Variants in CHRM5 observed in about 807,000 individuals in gnomAD.
CHRM5 encodes muscarinic acetylcholine receptor M5.
In CHRM5, 18 loss-of-function variants were observed where a neutral mutation model predicts 39.0. That is an observed-to-expected ratio of 0.46 (90% CI 0.32 to 0.68). CHRM5 has a LOEUF of 0.68. Ranked by LOEUF, CHRM5 falls within the 30% of genes least tolerant of loss-of-function variation. The probability of loss-of-function intolerance (pLI) is 0.04; values close to 1 mark genes in which losing one functional copy is unlikely to be tolerated. For synonymous variants in CHRM5, 241 were observed against 246.3 expected (o/e 0.98, Z 0.20); for missense variants, 515 against 651.1 (o/e 0.79, Z 2.28).
intron 1 of CHRM5, among the ~76,000 whole-genome samples, chr15:33,989,514 G>T (rs568722248): frequency 4.6e-5 from 7 of 150,604 alleles, no homozygotes; most frequent in African/African-American, 1.7e-4. Context: ...CGCCCACCAA[G>T]TGTTCCTTCT....
chr15:34,002,521 G>A (rs1392989353), intron 1 of CHRM5, among the ~76,000 whole-genome samples: 1 of 106,834 alleles, frequency 9.4e-6, no homozygotes, highest in African/African-American at 2.6e-5. Context: ...GGAAAGGCTG[G>A]GTTTTTCACT....
chr15:34,063,199 T>C lies in CHRM5; in HGVS notation c.482T>C (p.Leu161Pro). 2 of 1,614,196 alleles carry C rather than the reference T, an allele frequency of 1.2e-6. No individual in the cohort carries two copies. The highest frequency in any genetic ancestry group is 1.1e-5 in the South Asian group (1 of 91,076). The change falls in exon 3 of 3, where the codon CTC becomes CCC. Residue 161 changes from leucine (L) to proline (P), a missense_variant. Transcript: ENST00000383263. The surrounding 1 kb of genome is among the most constrained non-coding windows in gnomAD (Gnocchi z 4.1). Reference sequence around the variant, plus strand: ...TTGGCCTGGCTGATCTCCTTCATCCTCTGGGCCCCAGCAATCCTCTGCTGG... The same window carrying C: ...TTGGCCTGGCTGATCTCCTTCATCCCCTGGGCCCCAGCAATCCTCTGCTGG... ...IGLAWLISFILWAPAILCWQY... is the reference protein window; with the variant it reads ...IGLAWLISFIPWAPAILCWQY...
chr15:33,986,030 A>T (rs1356804132), intron 1 of CHRM5, among the ~76,000 whole-genome samples: 2 of 152,076 alleles, frequency 1.3e-5, no homozygotes, highest in East Asian at 1.9e-4. Flanking sequence ...CAAATTTAGG[A>T]TTCTATTAAG....
intron 1 of CHRM5, among the ~76,000 whole-genome samples, chr15:34,032,445 A>C (rs1170319077): frequency 6.6e-6 from 1 of 152,244 alleles, no homozygotes; most frequent in African/African-American, 2.4e-5. Context: ...TCCTAGCAGC[A>C]GTTTAAAACA....
intron 1 of CHRM5, among the ~76,000 whole-genome samples, chr15:33,994,264 G>C (rs1279438608): frequency 3.3e-5 from 5 of 152,196 alleles, no homozygotes; most frequent in African/African-American, 1.2e-4. Context: ...ACCCTATTGT[G>C]AACTGCACAT....
chr15:33,991,024 T>C (rs1223842031), intron 1 of CHRM5: 1 of 152,216 alleles, frequency 6.6e-6, no homozygotes, highest in Non-Finnish European at 1.5e-5. Flanking sequence ...AAAAAAATGA[T>C]GTAAAACCAG....
chr15:34,016,678 A>G (rs1224432267), intron 1 of CHRM5, among the ~76,000 whole-genome samples: 1 of 152,228 alleles, frequency 6.6e-6, no homozygotes, highest in Non-Finnish European at 1.5e-5. Context: ...GGAGTATGTA[A>G]TCAGAAACAA....
rs555451588 is a variant in CHRM5 at position 34,004,590 on chromosome 15, T to C, written c.-408+35440T>C. ...TTGTTTGTTTGTTATAATACTGGTATTGCAATTTTTTAAAGTGTTGTTAAC... is the reference window on the plus strand; with the variant it reads ...TTGTTTGTTTGTTATAATACTGGTACTGCAATTTTTTAAAGTGTTGTTAAC... On this transcript the variant is annotated intron_variant, in intron 1 of 2. Coordinates refer to ENST00000383263, the MANE Select transcript of CHRM5 (RefSeq NM_012125.4). 1.2e-4 allele frequency among the ~76,000 whole-genome samples: 18 copies of C among 152,252 alleles called. No homozygotes were observed. In the East Asian group the frequency reaches 3.5e-3, roughly 29 times the overall value.
At position 34,065,254 on chromosome 15, in the gene CHRM5, G is replaced by C. The variant is rs1900480062; in HGVS notation, c.*938G>C. 1 of 152,254 alleles carries C rather than the reference G, an allele frequency of 6.6e-6. No homozygotes were observed. Among genetic ancestry groups the C allele is most frequent in the African/African-American group, 2.4e-5 (1 of 41,444 alleles). 9.4% of individuals were successfully genotyped at this position (152,254 alleles called of 1,614,324 possible). On this transcript the variant is annotated 3_prime_UTR_variant, in exon 3 of 3. Transcript: ENST00000383263. ...GGCTGAAGATTTTCTCCAGGCTGTT[G>C]AATTAAGGTTCTTATATTGTTTTCA...
intron 1 of CHRM5, among the ~76,000 whole-genome samples, chr15:33,990,376 T>C (rs771800637): frequency 6.6e-6 from 1 of 151,738 alleles, no homozygotes; most frequent in Non-Finnish European, 1.5e-5. Flanking sequence ...AGTGAGACCC[T>C]GTCTGAAAAA....
chr15:34,001,493 G>C (rs191489390), intron 1 of CHRM5, among the ~76,000 whole-genome samples: 31 of 152,212 alleles, frequency 2.0e-4, no homozygotes, highest in Admixed American at 1.8e-3. Flanking sequence ...CAGCTGTTGA[G>C]AATTAAAACT....
intron 1 of CHRM5, among the ~76,000 whole-genome samples, chr15:33,979,609 G>A (rs1030332297): frequency 2.0e-5 from 3 of 152,052 alleles, no homozygotes; most frequent in Admixed American, 6.6e-5. Context: ...TATGAGCCTC[G>A]GTTTCCTCCT....
chr15:34,039,649 G>A (rs1250421435), intron 1 of CHRM5, among the ~76,000 whole-genome samples: 10 of 152,174 alleles, frequency 6.6e-5, no homozygotes, highest in African/African-American at 2.4e-4. Flanking sequence ...GCACGTGGGA[G>A]AGAGAACAGT....
At chr15:34,044,278 C>A (rs1178532071) in intron 1 of CHRM5, among the ~76,000 whole-genome samples, 1 of 152,134 alleles carries the variant, frequency 6.6e-6, no homozygotes, top group African/African-American at 2.4e-5. Flanking sequence ...ACCAAAACAA[C>A]TTAGCAAGTT....
At chr15:34,034,184 T>C (rs1899000519) in intron 1 of CHRM5, among the ~76,000 whole-genome samples, 1 of 152,190 alleles carries the variant, frequency 6.6e-6, no homozygotes, top group African/African-American at 2.4e-5. Context: ...GACTCACATC[T>C]GTAACCCCAG....
intron 1 of CHRM5, among the ~76,000 whole-genome samples, chr15:34,021,717 T>C (rs1022117695): frequency 3.3e-5 from 5 of 151,750 alleles, no homozygotes; most frequent in African/African-American, 1.2e-4. Flanking sequence ...TAACTGGACA[T>C]GGTGGCAGGT....
intron 1 of CHRM5, among the ~76,000 whole-genome samples, chr15:33,992,521 T>G (rs573381482): frequency 1.7e-4 from 26 of 152,392 alleles, no homozygotes; most frequent in Non-Finnish European, 3.1e-4. Flanking sequence ...TTTTTAGCCC[T>G]GTCAGCCAGA....
At chr15:34,047,700 C>T (rs147866036) in intron 2 of CHRM5, among the ~76,000 whole-genome samples, 4 of 152,318 alleles carry the variant, frequency 2.6e-5, no homozygotes, top group African/African-American at 9.6e-5. Context: ...TCCCTCCCAA[C>T]GCAAGCACAG....
At chr15:34,055,877 T>G (rs982167061) in intron 2 of CHRM5, among the ~76,000 whole-genome samples, 2 of 152,078 alleles carry the variant, frequency 1.3e-5, no homozygotes, top group Admixed American at 6.6e-5. Context: ...CTTCTACAAT[T>G]TAACAAGATT....
Sources: gnomAD v4.1 joint callset for allele counts (sites outside exome capture counted in the v4.1 genomes callset) on GRCh38, gnomAD v4.1.1 for gene constraint, Gnocchi (gnomAD v3.1) non-coding constraint, MANE v1.5 for transcripts, NCBI Gene and HGNC (gene_info 2026-07-23, HGNC 2026-07-21) for gene names.